IL1RAPL2: variants seen among roughly 807,000 people sequenced by gnomAD.
The protein encoded by IL1RAPL2 is X-linked interleukin-1 receptor accessory protein-like 2.
Under a neutral mutation model 44.1 loss-of-function variants are expected in IL1RAPL2, and 3 were observed. The ratio of observed to expected loss-of-function variants is 0.07; its 90% CI spans 0.03 to 0.18. The LOEUF is 0.18. IL1RAPL2 is among the 10% of genes least tolerant of loss of function. IL1RAPL2 has a pLI of 1.00. For missense variants in IL1RAPL2, 391 were observed against 496.4 expected, an observed-to-expected ratio of 0.79 and a Z score of 2.02; for synonymous variants, 181 against 178.8, an observed-to-expected ratio of 1.01 and a Z score of -0.10.
intron 5 of IL1RAPL2, among the ~76,000 whole-genome samples, chrX:105,417,364 T>C (rs2035741334): frequency 8.9e-6 from 1 of 111,904 alleles, no homozygotes; most frequent in Admixed American, 9.4e-5. Flanking sequence ...TCCCAGCTAC[T>C]TGGGAGGCTG....
At chrX:105,457,033 TACACACACACACACAC>T (rs58305468) in intron 5 of IL1RAPL2, among the ~76,000 whole-genome samples, 20 of 85,322 alleles carry the variant, frequency 2.3e-4, no homozygotes, top group Middle Eastern at 5.5e-3. Context: ...TCTAAAGTTA[TACACACACACACACAC>T]ACACACACAC....
At chrX:104,733,236 A>G (rs1456387876) in intron 2 of IL1RAPL2, among the ~76,000 whole-genome samples, 1 of 111,738 alleles carries the variant, frequency 8.9e-6, no homozygotes, top group Non-Finnish European at 1.9e-5. Context: ...AGTTATGCGT[A>G]TTGGAAAGTA....
intron 2 of IL1RAPL2, among the ~76,000 whole-genome samples, chrX:105,124,085 G>A (rs2032951795): frequency 9.0e-6 from 1 of 111,004 alleles, no homozygotes; most frequent in African/African-American, 3.3e-5. Context: ...TTGACTTCCT[G>A]TCATTTGTAA....
intron 2 of IL1RAPL2, among the ~76,000 whole-genome samples, chrX:104,859,990 G>A (rs1030338561): frequency 3.6e-5 from 4 of 112,020 alleles, no homozygotes; most frequent in Non-Finnish European, 7.5e-5. Flanking sequence ...GACAGACAGC[G>A]TGTCATACTC....
At chrX:105,558,273 A>T (rs1207953416) in intron 6 of IL1RAPL2, among the ~76,000 whole-genome samples, 1 of 111,628 alleles carries the variant, frequency 9.0e-6, no homozygotes, top group Non-Finnish European at 1.9e-5. Flanking sequence ...ATAGTAGTAC[A>T]TATCTTTCAG....
intron 5 of IL1RAPL2, among the ~76,000 whole-genome samples, chrX:105,452,753 A>G (rs1381740498): frequency 1.8e-5 from 2 of 111,298 alleles, no homozygotes; most frequent in Non-Finnish European, 3.8e-5. Context: ...AGAATTCTCA[A>G]TTAAAGATTT....
chrX:105,399,363 T>C (rs1170606850), intron 5 of IL1RAPL2, among the ~76,000 whole-genome samples: 1 of 111,575 alleles, frequency 9.0e-6, no homozygotes, highest in Non-Finnish European at 1.9e-5. Flanking sequence ...TCAAAATCAA[T>C]GTAAACATTA....
rs778822958 is a variant in IL1RAPL2, at chrX:105,494,170, C to T, written c.772+9783C>T. Among the ~76,000 whole-genome samples the T allele has an allele frequency of 2.7e-5, 3 of 111,562 alleles. No individual in the cohort carries two copies. The East Asian group carries it at 8.5e-4, about 32-fold the overall frequency. ...AGTGTCAACTGAGTGCACTGTTCCC[C>T]AAAAGCATATGATGTCTGTGTTGAT... is the stretch of plus-strand genomic sequence containing the variant. On this transcript the variant is annotated intron_variant, in intron 6 of 10. Coordinates refer to ENST00000372582, the MANE Select transcript of IL1RAPL2 (RefSeq NM_017416.2).
At chrX:104,900,882 C>G (rs868216217) in intron 2 of IL1RAPL2, among the ~76,000 whole-genome samples, 3 of 111,466 alleles carry the variant, frequency 2.7e-5, no homozygotes, top group African/African-American at 9.8e-5. Flanking sequence ...TAGGGAGAGA[C>G]GAAGGAATGG....
At chrX:104,952,627 T>G (rs1925615016) in intron 2 of IL1RAPL2, among the ~76,000 whole-genome samples, 1 of 111,668 alleles carries the variant, frequency 9.0e-6, no homozygotes, top group Non-Finnish European at 1.9e-5. Flanking sequence ...TTAAAGGATA[T>G]TACCTATATA....
chrX:105,587,994 A>G (rs1016969586), intron 6 of IL1RAPL2, among the ~76,000 whole-genome samples: 1 of 111,903 alleles, frequency 8.9e-6, no homozygotes, highest in African/African-American at 3.2e-5. Flanking sequence ...GGCCGTCCTT[A>G]CACCACTGCA....
At chrX:104,673,062 A>T (rs1425558298) in intron 2 of IL1RAPL2, among the ~76,000 whole-genome samples, 1 of 111,559 alleles carries the variant, frequency 9.0e-6, no homozygotes, top group Non-Finnish European at 1.9e-5. Context: ...GTTCACTCTG[A>T]TGGTCATTTC....
intron 2 of IL1RAPL2, among the ~76,000 whole-genome samples, chrX:105,189,390 C>T (rs1289066703): frequency 9.0e-6 from 1 of 111,406 alleles, no homozygotes; most frequent in Non-Finnish European, 1.9e-5. Flanking sequence ...ACAGGCATGC[C>T]CCGCTAATTT....
rs1363726473 is a variant in IL1RAPL2, at chrX:104,611,646, G to A, written c.-20+44595G>A. 4.6e-5 allele frequency among the ~76,000 whole-genome samples: 5 copies of A among 109,177 alleles called. No homozygotes were observed. The Admixed American group carries it at 4.9e-4, about 11-fold the overall frequency. 94.8% of individuals were successfully genotyped at this position (109,177 alleles called of 115,157 possible). On this transcript the variant is annotated intron_variant, in intron 1 of 10. Coordinates refer to ENST00000372582, the MANE Select transcript of IL1RAPL2 (RefSeq NM_017416.2). ...AGGTCAGGAGATCCAGACCATCCTGGCTAACACGGTGAAACCCCGTCTCTA... is the reference window on the plus strand; with the variant it reads ...AGGTCAGGAGATCCAGACCATCCTGACTAACACGGTGAAACCCCGTCTCTA...
intron 6 of IL1RAPL2, among the ~76,000 whole-genome samples, chrX:105,701,306 A>C (rs1234549943): frequency 1.8e-5 from 2 of 111,151 alleles, no homozygotes; most frequent in East Asian, 5.7e-4. Context: ...ATAATGCACA[A>C]ATACGTGCCT....
chrX:105,761,274 C>G (rs2038686433), intron 10 of IL1RAPL2, among the ~76,000 whole-genome samples: 1 of 102,629 alleles, frequency 9.7e-6, no homozygotes, highest in African/African-American at 3.6e-5. Flanking sequence ...GCTAACTTAA[C>G]ATTATGTAGC....
intron 2 of IL1RAPL2, among the ~76,000 whole-genome samples, chrX:104,867,338 T>A (rs1922647058): frequency 9.1e-6 from 1 of 109,751 alleles, no homozygotes. Flanking sequence ...AGGCGGTAGA[T>A]ACGATGCAAG....
At chrX:105,677,270 T>G (rs2037880602) in intron 6 of IL1RAPL2, among the ~76,000 whole-genome samples, 1 of 112,187 alleles carries the variant, frequency 8.9e-6, no homozygotes, top group Non-Finnish European at 1.9e-5. Context: ...TAACAGTTGC[T>G]GAGAAATTGA....
At chrX:105,423,149 G>A (rs769107446) in intron 5 of IL1RAPL2, among the ~76,000 whole-genome samples, 44 of 111,015 alleles carry the variant, frequency 4.0e-4, no homozygotes, top group Non-Finnish European at 7.0e-4. Flanking sequence ...ATACAAACAC[G>A]GTGCAAAGAA....
Sources: allele counts gnomAD v4.1 joint callset (sites outside exome capture counted in the v4.1 genomes callset), GRCh38; gene constraint gnomAD v4.1.1; transcripts MANE v1.5; gene names NCBI Gene and HGNC (gene_info 2026-07-23, HGNC 2026-07-21).